The following RHOU variants were observed in gnomAD, a reference collection of about 807,000 sequenced individuals.
RHOU encodes the protein ras homolog family member U.
In RHOU, 8 loss-of-function variants were observed where a neutral mutation model predicts 12.6. That is an observed-to-expected ratio of 0.64 (90% CI 0.37 to 1.15). The LOEUF (loss-of-function observed/expected upper bound fraction) is 1.15. Ranked by LOEUF, RHOU falls within the 50% of genes most tolerant of loss-of-function variation. The pLI, the probability that RHOU is intolerant of heterozygous loss-of-function variation, is 0.01. For synonymous variants in RHOU, 161 were observed against 147.4 expected, an observed-to-expected ratio of 1.09 and a Z score of -0.67; for missense variants, 258 against 347.0, an observed-to-expected ratio of 0.74 and a Z score of 2.04.
chr1:228,670,008 A>T, the RHOU span, among the ~76,000 whole-genome samples: 1 of 152,216 alleles, frequency 6.6e-6, no homozygotes, highest in African/African-American at 2.4e-5. Flanking sequence ...TGGGTTAAAC[A>T]TCAAGCCCTT....
chr1:228,670,695 C>T, the RHOU span, among the ~76,000 whole-genome samples: 811 of 152,266 alleles, frequency 5.3e-3, 2 homozygotes, highest in Non-Finnish European at 9.4e-3. Flanking sequence ...AATCTCATGT[C>T]GAGTTGTGAT....
the RHOU span, among the ~76,000 whole-genome samples, chr1:228,707,898 T>C: frequency 1.3e-5 from 2 of 152,112 alleles, no homozygotes; most frequent in African/African-American, 4.8e-5. Context: ...GCAAAGAAGT[T>C]GAAAACTTTG....
chr1:228,734,289 T>G (rs1463519550), upstream of RHOU, among the ~76,000 whole-genome samples: 1 of 152,202 alleles, frequency 6.6e-6, no homozygotes, highest in Non-Finnish European at 1.5e-5. Context: ...GGGTCCTGGA[T>G]TCAAGCTTCT....
chr1:228,719,237 T>C, the RHOU span, among the ~76,000 whole-genome samples: 1 of 152,220 alleles, frequency 6.6e-6, no homozygotes, highest in Admixed American at 6.5e-5. Context: ...TATTCATCAA[T>C]CCATGCATTC....
upstream of RHOU, chr1:228,735,441 C>A: frequency 4.9e-6 from 1 of 204,726 alleles, no homozygotes. This position sits in a 1 kb window ranked among gnomAD's most constrained non-coding sequence, Gnocchi z 8.1. Flanking sequence ...GCCTGCCCGC[C>A]CCCCACGCGT....
the RHOU span, among the ~76,000 whole-genome samples, chr1:228,725,543 T>C: frequency 6.6e-6 from 1 of 152,172 alleles, no homozygotes; most frequent in Admixed American, 6.5e-5. Flanking sequence ...CCAAAGGCTG[T>C]GAGAGTGCCA....
At chr1:228,720,402 C>G in the RHOU span, among the ~76,000 whole-genome samples, 5 of 152,042 alleles carry the variant, frequency 3.3e-5, no homozygotes, top group African/African-American at 1.2e-4. Flanking sequence ...TTTTGTCTCC[C>G]CAAAATTCAT....
chr1:228,727,004 T>C, the RHOU span, among the ~76,000 whole-genome samples: 2 of 152,230 alleles, frequency 1.3e-5, no homozygotes, highest in African/African-American at 4.8e-5. Flanking sequence ...GCACATCCCC[T>C]TGCCCTCACC....
chr1:228,646,736 CCA>C, the RHOU span, among the ~76,000 whole-genome samples: 1 of 151,902 alleles, frequency 6.6e-6, no homozygotes, highest in Non-Finnish European at 1.5e-5. Flanking sequence ...ATCCACTCCC[CCA>C]CACACAGACA....
chr1:228,648,159 G>C, the RHOU span: 1 of 152,410 alleles, frequency 6.6e-6, no homozygotes, highest in South Asian at 2.1e-4. Context: ...CGGAGGTCTG[G>C]CTGGGTTGCT....
rs527543497 is a variant in RHOU at position 228,746,557 on chromosome 1, C to T, written c.*2817C>T. ...TCTCCAGACTATCGTAACCTGGTGC[C>T]TTACCAAGTTGTGCTTTTCTGTTTT... On this transcript the variant is annotated 3_prime_UTR_variant, in exon 3 of 3. Coordinates refer to ENST00000366691, the MANE Select transcript of RHOU (RefSeq NM_021205.6). 6.6e-6 allele frequency: 1 copy of T among 152,284 alleles called. No homozygotes were observed. Among genetic ancestry groups the T allele is most frequent in the South Asian group, 2.1e-4 (1 of 4,818 alleles). 9.4% of individuals were successfully genotyped at this position (152,284 alleles called of 1,614,324 possible).
the RHOU span, among the ~76,000 whole-genome samples, chr1:228,704,993 G>A: frequency 6.6e-6 from 1 of 151,858 alleles, no homozygotes; most frequent in Non-Finnish European, 1.5e-5. Context: ...CTAGAGATGG[G>A]GTTTCACCAT....
the RHOU span, among the ~76,000 whole-genome samples, chr1:228,658,495 G>A: frequency 6.6e-6 from 1 of 152,102 alleles, no homozygotes; most frequent in African/African-American, 2.4e-5. Flanking sequence ...GCAGAGACGG[G>A]GCCTTCGCTA....
the RHOU span, among the ~76,000 whole-genome samples, chr1:228,693,384 G>C: frequency 0.027 from 4,154 of 152,150 alleles, 188 homozygotes; most frequent in African/African-American, 0.094. Context: ...TTTGAAGTGT[G>C]GTAAAGGAAG....
At chr1:228,708,592 A>G in the RHOU span, among the ~76,000 whole-genome samples, 78 of 152,238 alleles carry the variant, frequency 5.1e-4, no homozygotes, top group African/African-American at 1.6e-3. Flanking sequence ...AAAATACTTT[A>G]CAGACAAGCA....
At chr1:228,711,807 A>G in the RHOU span, among the ~76,000 whole-genome samples, 3 of 147,540 alleles carry the variant, frequency 2.0e-5, no homozygotes, top group South Asian at 6.6e-4. Context: ...AAATTGACAA[A>G]TGGGATCTAA....
chr1:228,662,228 G>A, the RHOU span, among the ~76,000 whole-genome samples: 1 of 152,212 alleles, frequency 6.6e-6, no homozygotes, highest in Admixed American at 6.5e-5. Flanking sequence ...TTACACTGTT[G>A]GTGGGAGTGT....
At chr1:228,648,720 T>TA in the RHOU span, among the ~76,000 whole-genome samples, 5 of 152,172 alleles carry the variant, frequency 3.3e-5, no homozygotes, top group Non-Finnish European at 5.9e-5. Flanking sequence ...TTCTTTTTTT[T>TA]AAAATTTTTA....
chr1:228,676,342 AAT>A, the RHOU span, among the ~76,000 whole-genome samples: 5 of 152,078 alleles, frequency 3.3e-5, no homozygotes, highest in African/African-American at 1.2e-4. Context: ...AGATTAAAAA[AAT>A]GTTTTTTGTT....
Sources: allele counts gnomAD v4.1 joint callset (sites outside exome capture counted in the v4.1 genomes callset), GRCh38; gene constraint gnomAD v4.1.1; non-coding constraint Gnocchi (gnomAD v3.1); transcripts MANE v1.5; gene names NCBI Gene and HGNC (gene_info 2026-07-23, HGNC 2026-07-21).